Variants in ARHGAP42 observed in about 807,000 individuals in gnomAD.
ARHGAP42 encodes the protein Rho GTPase activating protein 42.
Under a neutral mutation model 125.0 loss-of-function variants are expected in ARHGAP42, and 63 were observed. The ratio of observed to expected loss-of-function variants is 0.50; its 90% CI spans 0.41 to 0.62. ARHGAP42 has a LOEUF of 0.62. Ranked by LOEUF, ARHGAP42 falls within the 20% of genes least tolerant of loss-of-function variation. The pLI, the probability that ARHGAP42 is intolerant of heterozygous loss-of-function variation, is 0.00. For synonymous variants in ARHGAP42, 339 were observed against 351.0 expected (o/e 0.97, Z 0.38); for missense variants, 766 against 1,024.2 (o/e 0.75, Z 3.44).
chr11:100,748,625 G>A (rs1370236323), intron 1 of ARHGAP42, among the ~76,000 whole-genome samples: 1 of 143,100 alleles, frequency 7.0e-6, no homozygotes, highest in Non-Finnish European at 1.6e-5. Flanking sequence ...TCACAATGAG[G>A]TTTCCTCTAA....
chr11:100,794,189 C>A (rs986926515), intron 2 of ARHGAP42, among the ~76,000 whole-genome samples: 2 of 144,896 alleles, frequency 1.4e-5, no homozygotes, highest in African/African-American at 5.0e-5. Context: ...TCATTTTAAG[C>A]ATTAGGTTTG....
At chr11:100,957,278 A>G (rs1390188691) in intron 12 of ARHGAP42, among the ~76,000 whole-genome samples, 1 of 152,050 alleles carries the variant, frequency 6.6e-6, no homozygotes, top group Non-Finnish European at 1.5e-5. Context: ...TTTCCTTCAT[A>G]TAGCAGTGAT....
rs999545332 is a variant in ARHGAP42, at chr11:100,687,753, C to T, written c.75C>T (p.His25=). The change falls in exon 1 of 24, where the codon CAC becomes CAT. Residue 25 remains histidine, a synonymous_variant. Coordinates refer to ENST00000298815, the MANE Select transcript of ARHGAP42 (RefSeq NM_152432.4). Reference sequence around the variant, plus strand: ...ATTTCAGGGAGCGCTTGCAGTGTCACGAGATTGAGCTGGAGCGAACCAACA... The same window carrying T: ...ATTTCAGGGAGCGCTTGCAGTGTCATGAGATTGAGCTGGAGCGAACCAACA... ...SPDFRERLQC[H]EIELERTNKF... 1.2e-5 allele frequency: 19 copies of T among 1,550,794 alleles called. No individual in the cohort carries two copies. The South Asian group carries it at 1.7e-4, about 14-fold the overall frequency.
intron 3 of ARHGAP42, among the ~76,000 whole-genome samples, chr11:100,800,349 G>C (rs1035090839): frequency 6.6e-5 from 10 of 152,208 alleles, no homozygotes; most frequent in Non-Finnish European, 4.4e-5. Flanking sequence ...ACAGAGGGGA[G>C]TTGGAAGACA....
chr11:100,945,801 A>T (rs919257627), intron 10 of ARHGAP42, among the ~76,000 whole-genome samples: 1 of 152,122 alleles, frequency 6.6e-6, no homozygotes, highest in Non-Finnish European at 1.5e-5. Context: ...TAGATTTAGC[A>T]TAATTTTTAA....
chr11:100,702,128 AT>A (rs1217915176), intron 1 of ARHGAP42, among the ~76,000 whole-genome samples: 3 of 152,104 alleles, frequency 2.0e-5, no homozygotes, highest in South Asian at 2.1e-4. Context: ...CAAAAAAAAA[AT>A]AATAATATAA....
At chr11:100,956,766 C>T (rs1857815168) in intron 12 of ARHGAP42, among the ~76,000 whole-genome samples, 1 of 152,032 alleles carries the variant, frequency 6.6e-6, no homozygotes, top group African/African-American at 2.4e-5. Flanking sequence ...TTTTCAGTGA[C>T]TAGGTTCACA....
At chr11:100,859,360 G>A (rs972613763) in intron 3 of ARHGAP42, 194 bp from the exon 4 acceptor site, 4 of 434,610 alleles carry the variant, frequency 9.2e-6, no homozygotes, top group Non-Finnish European at 1.6e-5. Context: ...ATTGTTGTTA[G>A]GATCAAGGGA....
intron 11 of ARHGAP42, among the ~76,000 whole-genome samples, chr11:100,949,498 A>C (rs1342252000): frequency 6.6e-6 from 1 of 152,184 alleles, no homozygotes; most frequent in African/African-American, 2.4e-5. Context: ...GACTTAGAGC[A>C]AATTTAGGGA....
At chr11:100,691,000 T>C (rs1209948399) in intron 1 of ARHGAP42, among the ~76,000 whole-genome samples, 3 of 152,218 alleles carry the variant, frequency 2.0e-5, no homozygotes, top group South Asian at 2.1e-4. Context: ...TTTGGTGTTA[T>C]CAAGTACAGT....
At chr11:100,693,082 T>C (rs1462152878) in intron 1 of ARHGAP42, among the ~76,000 whole-genome samples, 1 of 152,092 alleles carries the variant, frequency 6.6e-6, no homozygotes, top group Non-Finnish European at 1.5e-5. Flanking sequence ...ACTGCCCTAT[T>C]TACTTGGTCA....
intron 4 of ARHGAP42, among the ~76,000 whole-genome samples, chr11:100,892,621 G>A (rs961623190): frequency 3.9e-5 from 6 of 152,124 alleles, no homozygotes; most frequent in Admixed American, 3.3e-4. Context: ...AGTGGCATTC[G>A]TGAAGATGAC....
chr11:100,770,291 G>A (rs1056904696), intron 1 of ARHGAP42, 52 bp from the exon 2 acceptor site: 44 of 1,199,040 alleles, frequency 3.7e-5, no homozygotes, highest in East Asian at 1.3e-4. Flanking sequence ...AAACTCATTC[G>A]GATTCAGTGG....
chr11:100,810,453 C>T (rs1341064324), intron 3 of ARHGAP42, among the ~76,000 whole-genome samples: 1 of 152,104 alleles, frequency 6.6e-6, no homozygotes, highest in Non-Finnish European at 1.5e-5. Flanking sequence ...GTATGAAAAC[C>T]TTACCTTTTT....
At chr11:100,981,735 T>G (rs374939393) in intron 22 of ARHGAP42, among the ~76,000 whole-genome samples, 179 of 152,266 alleles carry the variant, frequency 1.2e-3, no homozygotes, top group African/African-American at 3.8e-3. Context: ...TAAAAGGCCT[T>G]AATCAGGAGA....
At chr11:100,897,227 A>G (rs971567151) in intron 4 of ARHGAP42, among the ~76,000 whole-genome samples, 1 of 151,958 alleles carries the variant, frequency 6.6e-6, no homozygotes, top group African/African-American at 2.4e-5. Context: ...GTACCATGCT[A>G]TTTTGGTTAC....
At chr11:100,948,622 T>A (rs899604993) in intron 11 of ARHGAP42, 87 bp downstream of exon 11, 2 of 1,037,096 alleles carry the variant, frequency 1.9e-6, no homozygotes, top group Non-Finnish European at 2.7e-6. Flanking sequence ...ATACAATGTT[T>A]TGCCTGTAGT....
chr11:100,761,220 G>A (rs890280113), intron 1 of ARHGAP42, among the ~76,000 whole-genome samples: 8 of 152,126 alleles, frequency 5.3e-5, no homozygotes, highest in South Asian at 2.1e-4. Flanking sequence ...AGTGGTTTGC[G>A]TAGAGATAAC....
At chr11:100,987,176 A>C (rs1013921398) in intron 22 of ARHGAP42, among the ~76,000 whole-genome samples, 1 of 152,234 alleles carries the variant, frequency 6.6e-6, no homozygotes, top group Non-Finnish European at 1.5e-5. Context: ...TCGTTCCTAC[A>C]TAGCTGTAAA....
Sources: gnomAD v4.1 joint callset for allele counts (sites outside exome capture counted in the v4.1 genomes callset) on GRCh38, gnomAD v4.1.1 for gene constraint, MANE v1.5 for transcripts, NCBI Gene and HGNC (gene_info 2026-07-23, HGNC 2026-07-21) for gene names.